Variants in CGNL1 observed in about 807,000 individuals in gnomAD.
CGNL1 encodes the protein cingulin-like protein 1.
CGNL1 carries 132 observed loss-of-function variants against 141.2 expected under a neutral mutation model. The ratio of observed to expected loss-of-function variants is 0.93; its 90% CI spans 0.81 to 1.08. The LOEUF is 1.08. Ranked by LOEUF, CGNL1 falls within the 50% of genes least tolerant of loss-of-function variation. CGNL1 has a pLI of 0.00. For missense variants in CGNL1, 1,870 were observed against 1,588.6 expected (o/e 1.18, Z -3.01); for synonymous variants, 690 against 622.1 (o/e 1.11, Z -1.63).
chr15:57,477,230 G>T (rs1429541848), intron 8 of CGNL1, among the ~76,000 whole-genome samples: 1 of 152,168 alleles, frequency 6.6e-6, no homozygotes, highest in Non-Finnish European at 1.5e-5. Flanking sequence ...GGTGGCATTA[G>T]AGATAGATCT....
intron 1 of CGNL1, among the ~76,000 whole-genome samples, chr15:57,414,922 G>C (rs2062831823): frequency 6.6e-6 from 1 of 152,160 alleles, no homozygotes; most frequent in South Asian, 2.1e-4. Context: ...CAGGCTTTGG[G>C]GGTGAGAGAG....
At chr15:57,515,898 C>T (rs1272465004) in intron 8 of CGNL1, among the ~76,000 whole-genome samples, 1 of 152,134 alleles carries the variant, frequency 6.6e-6, no homozygotes, top group Admixed American at 6.5e-5. Flanking sequence ...GTGGCTCACA[C>T]CTGTAATCCC....
chr15:57,439,021 C>T lies in CGNL1; in HGVS notation c.1022C>T (p.Thr341Ile), dbSNP rs773490526. The change falls in exon 2 of 19, where the codon ACT (threonine) becomes ATT (isoleucine). Residue 341 changes from threonine to isoleucine, a missense_variant. By Grantham distance (89) the Thr-to-Ile change is moderately conservative (BLOSUM62 -1). Transcript: ENST00000281282. ...AGGTATATTCCCTTCCTGCCAGGAACTGGACGGGATATTGATACAGGATCA... is the reference window on the plus strand; with the variant it reads ...AGGTATATTCCCTTCCTGCCAGGAATTGGACGGGATATTGATACAGGATCA... ...NRRYIPFLPG[T>I]GRDIDTGSIP... The T allele has an allele frequency of 6.2e-7, 1 of 1,614,108 alleles. No individual in the cohort carries two copies. Among genetic ancestry groups the T allele is most frequent in the South Asian group, 1.1e-5 (1 of 91,094 alleles).
intron 8 of CGNL1, among the ~76,000 whole-genome samples, chr15:57,468,322 C>T (rs1486429317): frequency 3.4e-5 from 5 of 145,620 alleles, no homozygotes; most frequent in East Asian, 4.3e-4. Context: ...CTCACTTCAA[C>T]CTCCGCCTCC....
intron 8 of CGNL1, among the ~76,000 whole-genome samples, chr15:57,497,807 CG>C (rs1327865839): frequency 6.6e-6 from 1 of 152,180 alleles, no homozygotes; most frequent in Non-Finnish European, 1.5e-5. Context: ...ACACGGGCGG[CG>C]GCCTGTAGGA....
intron 8 of CGNL1, among the ~76,000 whole-genome samples, chr15:57,515,681 G>T (rs370323573): frequency 6.6e-6 from 1 of 152,204 alleles, no homozygotes; most frequent in Non-Finnish European, 1.5e-5. Flanking sequence ...CAAAGCCCCT[G>T]TGACCTCTGG....
intron 1 of CGNL1, among the ~76,000 whole-genome samples, chr15:57,387,786 G>C (rs1384133900): frequency 1.3e-5 from 2 of 152,238 alleles, no homozygotes; most frequent in African/African-American, 4.8e-5. Flanking sequence ...TAAATGAGGA[G>C]CTGTGGAGTG....
At chr15:57,379,277 G>C (rs1185435600) in intron 1 of CGNL1, among the ~76,000 whole-genome samples, 1 of 152,118 alleles carries the variant, frequency 6.6e-6, no homozygotes, top group African/African-American at 2.4e-5. Context: ...GTAAATGTGG[G>C]CCTAAGCACA....
chr15:57,516,919 T>C lies in CGNL1; in HGVS notation c.2543T>C (p.Leu848Pro). ...SEELERRVAQ[L>P]QRQIEDLKGD... ...GAGCTGGAGCGGAGAGTTGCTCAGC[T>C]TCAAAGGCAGATCGAGGACCTGAAA... Residue 848 changes from leucine (L) to proline (P), a missense_variant, in exon 9 of 19, where the codon CTT becomes CCT. Leu to Pro is a moderately conservative substitution (Grantham distance 98). Transcript: ENST00000281282. 6.2e-7 allele frequency: 1 copy of C among 1,613,542 alleles called. No individual in the cohort carries two copies. The highest frequency in any genetic ancestry group is 1.1e-5 in the South Asian group (1 of 91,066).
chr15:57,515,502 T>C (rs2030699257), intron 8 of CGNL1, among the ~76,000 whole-genome samples: 1 of 152,228 alleles, frequency 6.6e-6, no homozygotes, highest in South Asian at 2.1e-4. Flanking sequence ...TCCCTGGGCC[T>C]TTCTTTTATC....
At chr15:57,472,835 T>C (rs1319901455) in intron 8 of CGNL1, among the ~76,000 whole-genome samples, 1 of 152,168 alleles carries the variant, frequency 6.6e-6, no homozygotes, top group Non-Finnish European at 1.5e-5. Context: ...GGAGAAGGTT[T>C]GTAGGAGGAA....
chr15:57,440,518 G>A, intron 3 of CGNL1, 47 bp downstream of exon 3: 1 of 1,391,208 alleles, frequency 7.2e-7, no homozygotes, highest in Non-Finnish European at 1.0e-6. Flanking sequence ...TGTTTCTGGT[G>A]GGACTCTTAA....
intron 14 of CGNL1, among the ~76,000 whole-genome samples, chr15:57,538,284 T>C (rs2032373356): frequency 6.6e-6 from 1 of 152,252 alleles, no homozygotes; most frequent in African/African-American, 2.4e-5. Flanking sequence ...AGGAAGCCTA[T>C]TATGTTTGCC....
At chr15:57,541,320 A>G (rs1408060170) in intron 14 of CGNL1, among the ~76,000 whole-genome samples, 2 of 152,216 alleles carry the variant, frequency 1.3e-5, no homozygotes, top group East Asian at 3.8e-4. Flanking sequence ...TGCCCCTGGG[A>G]GGCACGTCTG....
At chr15:57,451,713 G>C in intron 5 of CGNL1, 112 bp downstream of exon 5, 1 of 713,516 alleles carries the variant, frequency 1.4e-6, no homozygotes, top group Non-Finnish European at 2.3e-6. Flanking sequence ...TCCCCCAAAA[G>C]AAACATTCCT....
At chr15:57,524,225 C>T (rs1261883255) in intron 11 of CGNL1, among the ~76,000 whole-genome samples, 1 of 152,196 alleles carries the variant, frequency 6.6e-6, no homozygotes, top group African/African-American at 2.4e-5. Context: ...TCTGTGGATA[C>T]TAATTCTGAC....
intron 8 of CGNL1, among the ~76,000 whole-genome samples, chr15:57,488,519 A>G (rs948980057): frequency 6.6e-6 from 1 of 152,202 alleles, no homozygotes; most frequent in Non-Finnish European, 1.5e-5. Flanking sequence ...AGTGAGCAGA[A>G]CTGGTGTAGG....
At chr15:57,421,709 C>T (rs2062916975) in intron 1 of CGNL1, among the ~76,000 whole-genome samples, 2 of 152,202 alleles carry the variant, frequency 1.3e-5, no homozygotes, top group East Asian at 1.9e-4. Flanking sequence ...AGAATGGTGA[C>T]GTCAGTGGCC....
At chr15:57,389,801 C>T (rs552150409) in intron 1 of CGNL1, among the ~76,000 whole-genome samples, 1 of 152,182 alleles carries the variant, frequency 6.6e-6, no homozygotes, top group East Asian at 1.9e-4. Context: ...CAAGCAATCC[C>T]AGATCTCAGT....
Sources: allele counts gnomAD v4.1 joint callset (sites outside exome capture counted in the v4.1 genomes callset), GRCh38; gene constraint gnomAD v4.1.1; transcripts MANE v1.5; gene names NCBI Gene and HGNC (gene_info 2026-07-23, HGNC 2026-07-21).